C5orf24: variants seen among roughly 807,000 people sequenced by gnomAD.
C5orf24 encodes UPF0461 protein C5orf24.
Under a neutral mutation model 9.8 loss-of-function variants are expected in C5orf24, and 4 were observed. The observed-to-expected ratio is 0.41, with a 90% CI of 0.20 to 0.93. C5orf24 has a LOEUF of 0.93. Among genes scored for constraint, C5orf24 ranks in the 40% least tolerant of loss-of-function variants. The pLI, the probability that C5orf24 is intolerant of heterozygous loss-of-function variation, is 0.33. For synonymous variants in C5orf24, 73 were observed against 81.3 expected, an observed-to-expected ratio of 0.90 and a Z score of 0.55; for missense variants, 170 against 236.9, an observed-to-expected ratio of 0.72 and a Z score of 1.85.
In C5orf24 at chr5:134,857,788, G is replaced by A. The variant is rs1756352713; in HGVS notation, c.*2321G>A. 1 of 180,756 alleles carries A rather than the reference G, an allele frequency of 5.5e-6. No homozygotes were observed. Among genetic ancestry groups the A allele is most frequent in the Admixed American group, 6.4e-5 (1 of 15,714 alleles). 11.2% of individuals were successfully genotyped at this position (180,756 alleles called of 1,614,324 possible). The stretch of plus-strand genomic sequence containing the variant: ...TTCAAGCCAGTTTCTAAAGACATTT[G>A]TTTAATGTTCTACCATAGAATAATG... On this transcript the variant is annotated 3_prime_UTR_variant, in exon 2 of 2. Coordinates refer to ENST00000394976, the MANE Select transcript of C5orf24 (RefSeq NM_001135586.1).
rs908360876 is a variant in C5orf24 at position 134,856,988 on chromosome 5, G to A, written c.*1521G>A. 2.0e-5 allele frequency: 20 copies of A among 1,007,192 alleles called. No homozygotes were observed. The highest frequency in any genetic ancestry group is 2.4e-5 in the Non-Finnish European group (20 of 834,922). 62.4% of individuals were successfully genotyped at this position (1,007,192 alleles called of 1,614,324 possible). A position where few individuals can be genotyped will look rare whatever the true frequency, so the allele number is the denominator to read the frequency against. ...TCCAAAAGATTTTTTTTCCCCCAAT[G>A]ATGTTTGCTTTAGAAGCAAGATAGA... On this transcript the variant is annotated 3_prime_UTR_variant, in exon 2 of 2. Transcript: ENST00000394976.
the C5orf24 span, among the ~76,000 whole-genome samples, chr5:134,840,143 C>T: frequency 1.3e-5 from 2 of 151,722 alleles, no homozygotes; most frequent in African/African-American, 4.8e-5. Context: ...TCCATCTCTA[C>T]TAAAATACAA....
the C5orf24 span, among the ~76,000 whole-genome samples, chr5:134,839,200 C>CAA: frequency 1.1e-3 from 137 of 121,284 alleles, no homozygotes; most frequent in East Asian, 6.7e-3. Context: ...GACCCTGTCT[C>CAA]AAAAAAAAAA....
chr5:134,841,880 T>A (rs1237372213), upstream of C5orf24, among the ~76,000 whole-genome samples: 1 of 152,074 alleles, frequency 6.6e-6, no homozygotes, highest in African/African-American at 2.4e-5. Flanking sequence ...AAAAAAGAGC[T>A]TCTAGAGGCC....
At chr5:134,850,658 G>A (rs1756132422) in intron 1 of C5orf24, among the ~76,000 whole-genome samples, 2 of 151,630 alleles carry the variant, frequency 1.3e-5, no homozygotes, top group South Asian at 2.1e-4. Context: ...TGTATTTTTA[G>A]TAGAGACGGG....
the C5orf24 span, among the ~76,000 whole-genome samples, chr5:134,836,812 G>A: frequency 6.6e-6 from 1 of 152,136 alleles, no homozygotes; most frequent in South Asian, 2.1e-4. Flanking sequence ...AAAGTGCTGG[G>A]ATTGCGGGCA....
At chr5:134,843,456 C>T (rs977542049), upstream of C5orf24, among the ~76,000 whole-genome samples, 17 of 152,086 alleles carry the variant, frequency 1.1e-4, no homozygotes, top group African/African-American at 4.1e-4. Context: ...TCTTTTGGGA[C>T]AGGGTCTCGC....
At chr5:134,841,531 G>A (rs1347388364), upstream of C5orf24, among the ~76,000 whole-genome samples, 3 of 152,056 alleles carry the variant, frequency 2.0e-5, no homozygotes, top group Admixed American at 6.6e-5. Context: ...AGGTTGCAGG[G>A]AACCAACATC....
Position 134,858,689 on chromosome 5 carries a change from CAG to C in C5orf24, c.*3224_*3225del, listed in dbSNP as rs558166987. The C allele has an allele frequency of 8.9e-4, 149 of 166,956 alleles. No individual in the cohort carries two copies. Among genetic ancestry groups the C allele is most frequent in the Admixed American group, 2.2e-3 (33 of 15,260 alleles). 10.3% of individuals were successfully genotyped at this position (166,956 alleles called of 1,614,324 possible). Reference sequence around the variant, plus strand: ...ATTATATTAGCAAATGAGCTAATAACAGATGAAATTTTCATTTTTTGACAGAT... The same window carrying C: ...ATTATATTAGCAAATGAGCTAATAACATGAAATTTTCATTTTTTGACAGAT... On this transcript the variant is annotated 3_prime_UTR_variant, in exon 2 of 2. Transcript: ENST00000394976.
At chr5:134,843,619 C>T (rs548347544), upstream of C5orf24, among the ~76,000 whole-genome samples, 6 of 152,250 alleles carry the variant, frequency 3.9e-5, no homozygotes, top group South Asian at 4.1e-4. Context: ...TGCAGTGGCA[C>T]GATCTCAACT....
At chr5:134,836,173 T>A in the C5orf24 span, among the ~76,000 whole-genome samples, 4 of 145,760 alleles carry the variant, frequency 2.7e-5, no homozygotes, top group South Asian at 9.0e-4. Flanking sequence ...AGAAGCTTTT[T>A]TTTTTTTTTT....
chr5:134,847,361 T>A (rs1756024309), intron 1 of C5orf24, among the ~76,000 whole-genome samples: 1 of 151,696 alleles, frequency 6.6e-6, no homozygotes, highest in African/African-American at 2.4e-5. Flanking sequence ...AGTGGCGCGA[T>A]CGCGGCTCAC....
upstream of C5orf24, among the ~76,000 whole-genome samples, chr5:134,842,171 A>G (rs1020405652): frequency 6.6e-6 from 1 of 152,162 alleles, no homozygotes; most frequent in Non-Finnish European, 1.5e-5. Flanking sequence ...TTGCATGGTT[A>G]TAACATTTGT....
Position 134,858,149 on chromosome 5 carries a change from A to G in C5orf24, c.*2682A>G, listed in dbSNP as rs1250848934. ...AAAAAAATGGGAGGGGCAAATGGCT[A>G]CAGTTGTAAATGGATAACATCATTT... On this transcript the variant is annotated 3_prime_UTR_variant, in exon 2 of 2. Coordinates refer to ENST00000394976, the MANE Select transcript of C5orf24 (RefSeq NM_001135586.1). The G allele has an allele frequency of 1.8e-5, 3 of 167,100 alleles. No individual in the cohort carries two copies. Among genetic ancestry groups the G allele is most frequent in the Admixed American group, 6.5e-5 (1 of 15,268 alleles). 10.4% of individuals were successfully genotyped at this position (167,100 alleles called of 1,614,324 possible).
upstream of C5orf24, among the ~76,000 whole-genome samples, chr5:134,842,345 C>T (rs1184730491): frequency 6.6e-6 from 1 of 151,978 alleles, no homozygotes; most frequent in Non-Finnish European, 1.5e-5. Context: ...CAAAAATTAG[C>T]CAGGCATGGT....
rs775175831 is a variant in C5orf24, at chr5:134,855,160, C to G, written c.260C>G (p.Ser87Cys). 2 of 1,614,160 alleles carry G rather than the reference C, an allele frequency of 1.2e-6. No individual in the cohort carries two copies. The highest frequency in any genetic ancestry group is 2.2e-5 in the East Asian group (1 of 44,892). ...AAGAAAAAGAAGAATCTCAACCGAT[C>G]TGGTAAGCGTGGCCGGCCTTCGGGA... ...ELKKKKNLNRSGKRGRPSGTT... is the reference protein window; with the variant it reads ...ELKKKKNLNRCGKRGRPSGTT... Residue 87 changes from serine (S) to cysteine (C), a missense_variant, in exon 2 of 2, where the codon TCT (serine) becomes TGT (cysteine). By Grantham distance (112) the Ser-to-Cys change is moderately radical. Transcript: ENST00000394976.
At position 134,855,845 on chromosome 5, in the gene C5orf24, C is replaced by T. The variant is rs979605960; in HGVS notation, c.*378C>T. On this transcript the variant is annotated 3_prime_UTR_variant, in exon 2 of 2. Coordinates refer to ENST00000394976, the MANE Select transcript of C5orf24 (RefSeq NM_001135586.1). ...AAGTAAGCCTACAGTATAATAAAGA[C>T]ACTAACGTATTTTTAACTGATGGAG... 111 of 1,037,710 alleles carry T rather than the reference C, an allele frequency of 1.1e-4. No individual in the cohort carries two copies. In the African/African-American group the frequency reaches 1.8e-3, roughly 17 times the overall value. 64.3% of individuals were successfully genotyped at this position (1,037,710 alleles called of 1,614,324 possible).
the C5orf24 span, among the ~76,000 whole-genome samples, chr5:134,834,551 C>T: frequency 6.6e-6 from 1 of 152,198 alleles, no homozygotes; most frequent in African/African-American, 2.4e-5. Flanking sequence ...CTTGGCAGGG[C>T]TGGATGCTTG....
At chr5:134,836,580 G>T in the C5orf24 span, among the ~76,000 whole-genome samples, 1 of 152,020 alleles carries the variant, frequency 6.6e-6, no homozygotes. Context: ...GTCTCACTCT[G>T]TCATGCAGGC....
Sources: gnomAD v4.1 joint callset for allele counts (sites outside exome capture counted in the v4.1 genomes callset) on GRCh38, gnomAD v4.1.1 for gene constraint, MANE v1.5 for transcripts, NCBI Gene and HGNC (gene_info 2026-07-23, HGNC 2026-07-21) for gene names.